The following AIM2 variants were observed in gnomAD, a reference collection of about 807,000 sequenced individuals.
The protein encoded by AIM2 is absent in melanoma 2.
A neutral mutation model predicts 27.7 loss-of-function variants in AIM2; 30 were observed. That is an observed-to-expected ratio of 1.08 (90% CI 0.81 to 1.47). The LOEUF is 1.47. Among genes scored for constraint, AIM2 ranks in the 40% most tolerant of loss-of-function variants. AIM2 has a pLI of 0.00. For synonymous variants in AIM2, 141 were observed against 145.3 expected, an observed-to-expected ratio of 0.97 and a Z score of 0.21; for missense variants, 358 against 411.3, an observed-to-expected ratio of 0.87 and a Z score of 1.12.
intron 1 of AIM2, among the ~76,000 whole-genome samples, chr1:159,082,751 G>C (rs1362289947): frequency 6.6e-6 from 1 of 152,078 alleles, no homozygotes; most frequent in Admixed American, 6.5e-5. Context: ...CATCACATTA[G>C]GGGTTAGGAT....
At chr1:159,118,516 G>C (rs1257435514) in intron 1 of AIM2, among the ~76,000 whole-genome samples, 1 of 152,158 alleles carries the variant, frequency 6.6e-6, no homozygotes, top group African/African-American at 2.4e-5. Flanking sequence ...GCTGTCCACT[G>C]TCAGTGAGGT....
intron 1 of AIM2, among the ~76,000 whole-genome samples, chr1:159,125,308 G>C (rs1320808444): frequency 6.6e-6 from 1 of 152,192 alleles, no homozygotes; most frequent in Non-Finnish European, 1.5e-5. Context: ...CATATTAGCT[G>C]TAGAACAAGC....
upstream of AIM2, among the ~76,000 whole-genome samples, chr1:159,078,970 A>G (rs192722830): frequency 1.4e-4 from 22 of 152,360 alleles, no homozygotes; most frequent in Non-Finnish European, 7.3e-5. Flanking sequence ...TAACTCATAA[A>G]TAAACCAGGC....
chr1:159,128,491 C>T (rs1199952761), intron 1 of AIM2, among the ~76,000 whole-genome samples: 1 of 152,120 alleles, frequency 6.6e-6, no homozygotes, highest in Admixed American at 6.5e-5. Flanking sequence ...ATCGTTATAG[C>T]GAGTTCACTC....
chr1:159,133,965 C>A (rs1433954056), intron 1 of AIM2, among the ~76,000 whole-genome samples: 1 of 152,178 alleles, frequency 6.6e-6, no homozygotes, highest in Non-Finnish European at 1.5e-5. Flanking sequence ...TGTGTGACAT[C>A]TCCTCTACTA....
At chr1:159,141,450 C>T (rs1648107993), upstream of AIM2, among the ~76,000 whole-genome samples, 1 of 152,082 alleles carries the variant, frequency 6.6e-6, no homozygotes, top group East Asian at 1.9e-4. Context: ...GAGAGGAATA[C>T]AGAAAGAATG....
At chr1:159,099,496 G>T (rs892469605) in intron 1 of AIM2, among the ~76,000 whole-genome samples, 3 of 151,840 alleles carry the variant, frequency 2.0e-5, no homozygotes, top group Admixed American at 6.6e-5. Flanking sequence ...GACCTACTTT[G>T]TTTTTTTTCC....
At chr1:159,122,033 A>G (rs1402931324) in intron 1 of AIM2, among the ~76,000 whole-genome samples, 1 of 152,208 alleles carries the variant, frequency 6.6e-6, no homozygotes, top group African/African-American at 2.4e-5. Context: ...TTGCAAAGAA[A>G]GCAGAAAGAA....
At chr1:159,070,014 A>G (rs369425102) in intron 2 of AIM2, among the ~76,000 whole-genome samples, 2 of 152,122 alleles carry the variant, frequency 1.3e-5, no homozygotes, top group Non-Finnish European at 2.9e-5. Context: ...CTCTGACTGA[A>G]GGTACCTTTA....
rs990003829 is a variant in AIM2 at position 159,115,487 on chromosome 1, T to C, written c.-16+24944A>G. 4.7e-4 allele frequency among the ~76,000 whole-genome samples: 71 copies of C among 152,182 alleles called. 1 individual carries two copies. Among genetic ancestry groups the C allele is most frequent in the African/African-American group, 1.5e-3 (61 of 41,508 alleles). On this transcript the variant is annotated intron_variant, in intron 1 of 2. Transcript: ENST00000368129. Reference sequence around the variant, plus strand: ...CATGGTACTGGTACAAAAACAGAGATATAGACCAATGGAACAGAACACAGC... The same window carrying C: ...CATGGTACTGGTACAAAAACAGAGACATAGACCAATGGAACAGAACACAGC...
At chr1:159,107,953 C>T (rs1010599934) in intron 1 of AIM2, among the ~76,000 whole-genome samples, 3 of 152,088 alleles carry the variant, frequency 2.0e-5, no homozygotes, top group Admixed American at 2.0e-4. Flanking sequence ...GACAGATGCA[C>T]AGCAGAATTC....
chr1:159,073,152 G>T, intron 2 of AIM2, 86 bp downstream of exon 2: 2 of 1,526,070 alleles, frequency 1.3e-6, no homozygotes, highest in South Asian at 2.3e-5. Context: ...ATGTGCACTG[G>T]GGGTCATATC....
intron 1 of AIM2, among the ~76,000 whole-genome samples, chr1:159,094,062 A>G (rs1460186374): frequency 6.6e-6 from 1 of 152,082 alleles, no homozygotes; most frequent in East Asian, 1.9e-4. Flanking sequence ...AAAAATTTGT[A>G]AAAACTTAAT....
Position 159,070,969 on chromosome 1 carries a change from T to C in AIM2, c.263-2268A>G, listed in dbSNP as rs565394413. Among the ~76,000 whole-genome samples, 3 of 152,354 alleles carry C rather than the reference T, an allele frequency of 2.0e-5. No homozygotes were observed. The East Asian group carries it at 5.8e-4, about 29-fold the overall frequency. On this transcript the variant is annotated intron_variant, in intron 2 of 5. Coordinates refer to ENST00000368130, the MANE Select transcript of AIM2 (RefSeq NM_004833.3). Reference sequence around the variant, plus strand: ...ACACACTGTGGTACCAATGCAATATTTGTGGACAAGCTTGTCTGCCAATTA... The same window carrying C: ...ACACACTGTGGTACCAATGCAATATCTGTGGACAAGCTTGTCTGCCAATTA...
In AIM2 at chr1:159,062,602, A is replaced by G; in HGVS notation, c.*90T>C. The stretch of plus-strand genomic sequence containing the variant: ...GCCTGTGAACTGCAGCTTTCAGGTA[A>G]CTTACAATCTGATTGAAGAGGCTGT... On this transcript the variant is annotated 3_prime_UTR_variant, in exon 6 of 6. Transcript: ENST00000368130. 1.6e-6 allele frequency: 2 copies of G among 1,273,064 alleles called. No homozygotes were observed. The highest frequency in any genetic ancestry group is 1.1e-6 in the Non-Finnish European group (1 of 885,638). 78.9% of individuals were successfully genotyped at this position (1,273,064 alleles called of 1,614,324 possible). A position where few individuals can be genotyped will look rare whatever the true frequency, so the allele number is the denominator to read the frequency against.
chr1:159,056,054 A>G, the AIM2 span, among the ~76,000 whole-genome samples: 6 of 152,336 alleles, frequency 3.9e-5, no homozygotes, highest in African/African-American at 1.4e-4. Flanking sequence ...CTACTGTTGC[A>G]GGAATTTTCC....
At chr1:159,128,711 T>C (rs942592992) in intron 1 of AIM2, among the ~76,000 whole-genome samples, 1 of 152,152 alleles carries the variant, frequency 6.6e-6, no homozygotes, top group African/African-American at 2.4e-5. Flanking sequence ...TGCTAATCAT[T>C]GCTAGGGAAA....
At chr1:159,079,526 AT>A (rs55786327), upstream of AIM2, among the ~76,000 whole-genome samples, 10,794 of 152,022 alleles carry the variant, frequency 0.071, 701 homozygotes, top group East Asian at 0.31. Flanking sequence ...GTCACTTTGC[AT>A]TTTTTTTCCA....
At chr1:159,136,551 TAATACGCC>T (rs1343864725) in intron 1 of AIM2, among the ~76,000 whole-genome samples, 1 of 152,180 alleles carries the variant, frequency 6.6e-6, no homozygotes, top group Non-Finnish European at 1.5e-5. Flanking sequence ...TCCCTTATCA[TAATACGCC>T]ATTTCTCACC....
Sources: gnomAD v4.1 joint callset for allele counts (sites outside exome capture counted in the v4.1 genomes callset) on GRCh38, gnomAD v4.1.1 for gene constraint, MANE v1.5 for transcripts, NCBI Gene and HGNC (gene_info 2026-07-23, HGNC 2026-07-21) for gene names.